XYLB: variants seen among roughly 807,000 people sequenced by gnomAD.
XYLB encodes xylulokinase.
Under a neutral mutation model 78.7 loss-of-function variants are expected in XYLB, and 62 were observed. The ratio of observed to expected loss-of-function variants is 0.79; its 90% CI spans 0.64 to 0.97. XYLB has a LOEUF of 0.97. Among genes scored for constraint, XYLB ranks in the 50% least tolerant of loss-of-function variants. The pLI is 0.00. For synonymous variants in XYLB, 245 were observed against 247.4 expected, an observed-to-expected ratio of 0.99 and a Z score of 0.09; for missense variants, 687 against 676.8, an observed-to-expected ratio of 1.02 and a Z score of -0.17.
chr3:38,364,684 C>G (rs1471666299), intron 4 of XYLB, among the ~76,000 whole-genome samples: 2 of 148,906 alleles, frequency 1.3e-5, no homozygotes, highest in Non-Finnish European at 3.0e-5. Flanking sequence ...TGGTTAGGTG[C>G]CTCTGTTCCC....
At chr3:38,449,108 T>A in the XYLB span, among the ~76,000 whole-genome samples, 4 of 152,134 alleles carry the variant, frequency 2.6e-5, no homozygotes, top group African/African-American at 7.2e-5. Flanking sequence ...TTTATTTATT[T>A]ATTTTAATTA....
rs139099767 is a variant in XYLB at position 38,399,910 on chromosome 3, T to G, written c.1439-981T>G. ...GTCTTGTGTAGCCAGTCTGCGAGTA[T>G]GAGTGGAGATGGAACCAGAGTCTTT... On this transcript the variant is annotated intron_variant, in intron 17 of 18. Coordinates refer to ENST00000207870, the MANE Select transcript of XYLB (RefSeq NM_005108.4). Among the ~76,000 whole-genome samples, 145 of 152,312 alleles carry G rather than the reference T, an allele frequency of 9.5e-4. 2 individuals are homozygous for G. In the East Asian group the frequency reaches 0.02, roughly 21 times the overall value.
chr3:38,378,499 G>A (rs1575494770), intron 14 of XYLB, among the ~76,000 whole-genome samples: 3 of 152,186 alleles, frequency 2.0e-5, no homozygotes, highest in South Asian at 2.1e-4. Context: ...GCTGGTGGGC[G>A]GGTTGGAGAC....
intron 17 of XYLB, among the ~76,000 whole-genome samples, chr3:38,398,193 G>C (rs980011073): frequency 4.6e-5 from 7 of 151,808 alleles, no homozygotes; most frequent in Non-Finnish European, 1.0e-4. Flanking sequence ...ACCTTGGCCG[G>C]GTGTGGTGGC....
At chr3:38,428,753 A>C in the XYLB span, among the ~76,000 whole-genome samples, 3 of 152,198 alleles carry the variant, frequency 2.0e-5, no homozygotes, top group Admixed American at 2.0e-4. Context: ...TACATAATGT[A>C]ATTATTGATG....
At chr3:38,408,591 T>C (rs1449208164) in intron 18 of XYLB, among the ~76,000 whole-genome samples, 115 of 151,154 alleles carry the variant, frequency 7.6e-4, no homozygotes, top group African/African-American at 2.5e-3. Context: ...ATTAATGAAT[T>C]CAGGAGCTGG....
At chr3:38,376,066 C>A in intron 12 of XYLB, 51 bp from the exon 13 acceptor site, 1 of 1,257,368 alleles carries the variant, frequency 8.0e-7, no homozygotes, top group Non-Finnish European at 1.2e-6. Flanking sequence ...ACTCATGGGT[C>A]CAGTCAGCAA....
rs1575551262 is a variant in XYLB at position 38,414,747 on chromosome 3, G to T, written c.*1734G>T. 6.6e-6 allele frequency: 1 copy of T among 152,138 alleles called. No homozygotes were observed. Among genetic ancestry groups the T allele is most frequent in the Middle Eastern group, 3.4e-3 (1 of 294 alleles). The allele number at this position is 152,138 out of a possible 1,614,324, so 9.4% of individuals were successfully genotyped here. On this transcript the variant is annotated 3_prime_UTR_variant, in exon 19 of 19. Coordinates refer to ENST00000207870, the MANE Select transcript of XYLB (RefSeq NM_005108.4). ...TAGATATGGTCACAAGTACATTAAG[G>T]CACGTAGAAGGTAGGAGTAAGAAAA... is the stretch of plus-strand genomic sequence containing the variant.
At chr3:38,406,624 A>C (rs1459217230) in intron 18 of XYLB, among the ~76,000 whole-genome samples, 2 of 152,090 alleles carry the variant, frequency 1.3e-5, no homozygotes, top group Non-Finnish European at 2.9e-5. Flanking sequence ...CAAAGAAGTT[A>C]AAAACTTTGA....
At chr3:38,349,093 T>G (rs569061590) in intron 2 of XYLB, among the ~76,000 whole-genome samples, 3 of 152,216 alleles carry the variant, frequency 2.0e-5, no homozygotes, top group Non-Finnish European at 4.4e-5. Flanking sequence ...GAAGTGGTGC[T>G]TAAGCTAGAG....
At chr3:38,389,519 G>A (rs1300376220) in intron 15 of XYLB, among the ~76,000 whole-genome samples, 2 of 152,132 alleles carry the variant, frequency 1.3e-5, no homozygotes, top group Admixed American at 1.3e-4. Flanking sequence ...CAGAAGGGGC[G>A]GCCGGGCAGA....
At chr3:38,439,686 C>G in the XYLB span, among the ~76,000 whole-genome samples, 2 of 151,332 alleles carry the variant, frequency 1.3e-5, no homozygotes, top group African/African-American at 4.9e-5. Context: ...GGTGTGAACC[C>G]AGGAGGTGGA....
At chr3:38,425,146 C>G (rs1013510060), downstream of XYLB, among the ~76,000 whole-genome samples, 1 of 152,188 alleles carries the variant, frequency 6.6e-6, no homozygotes, top group African/African-American at 2.4e-5. Context: ...GGGAGACTAG[C>G]TTATGTACAT....
At chr3:38,367,677 C>A (rs1301916457) in intron 7 of XYLB, among the ~76,000 whole-genome samples, 1 of 152,162 alleles carries the variant, frequency 6.6e-6, no homozygotes, top group Non-Finnish European at 1.5e-5. Flanking sequence ...GAAGTACAGA[C>A]CCTTAGGGTG....
At chr3:38,396,589 C>T (rs1204439111) in intron 16 of XYLB, among the ~76,000 whole-genome samples, 1 of 152,166 alleles carries the variant, frequency 6.6e-6, no homozygotes, top group Non-Finnish European at 1.5e-5. Context: ...TCAACTAAGA[C>T]CTCCCCCAAG....
At chr3:38,395,626 G>C (rs1707839736) in intron 16 of XYLB, 63 bp downstream of exon 16, 2 of 1,554,372 alleles carry the variant, frequency 1.3e-6, no homozygotes, top group Non-Finnish European at 1.8e-6. Context: ...CTAAGAGCCA[G>C]AGACTGGATA....
chr3:38,447,494 T>A, the XYLB span, among the ~76,000 whole-genome samples: 1 of 120,692 alleles, frequency 8.3e-6, no homozygotes, highest in East Asian at 2.3e-4. Context: ...TTTTTTTTTT[T>A]GTAGATACAA....
chr3:38,451,685 A>G, the XYLB span: 1 of 152,284 alleles, frequency 6.6e-6, no homozygotes, highest in Non-Finnish European at 1.5e-5. Flanking sequence ...TGGTTTCAGT[A>G]GGACTCATAA....
At position 38,363,004 on chromosome 3, in the gene XYLB, C is replaced by A. The variant is rs765479291; in HGVS notation, c.278C>A (p.Ser93Tyr). 6.4e-7 allele frequency: 1 copy of A among 1,559,320 alleles called. No homozygotes were observed. Among genetic ancestry groups the A allele is most frequent in the South Asian group, 1.2e-5 (1 of 83,782 alleles). ...GACTTCTCTCAAGTCCTAGCCTTGT[C>A]CGGGGCGGGCCAGGTTCGTTTGCAG... Reference protein sequence around the residue: ...GFDFSQVLALSGAGQQHGSIY... With the variant: ...GFDFSQVLALYGAGQQHGSIY... Residue 93 changes from serine (S) to tyrosine (Y), a missense_variant, in exon 4 of 19, where the codon TCC (serine) becomes TAC (tyrosine). Ser to Tyr is a moderately radical substitution (Grantham distance 144). Coordinates refer to ENST00000207870, the MANE Select transcript of XYLB (RefSeq NM_005108.4).
Sources: gnomAD v4.1 joint callset for allele counts (sites outside exome capture counted in the v4.1 genomes callset) on GRCh38, gnomAD v4.1.1 for gene constraint, MANE v1.5 for transcripts, NCBI Gene and HGNC (gene_info 2026-07-23, HGNC 2026-07-21) for gene names.